SCAI: variants seen among roughly 807,000 people sequenced by gnomAD.
The protein encoded by SCAI is protein SCAI.
A neutral mutation model predicts 92.2 loss-of-function variants in SCAI; 24 were observed. The observed-to-expected ratio is 0.26, with a 90% CI of 0.19 to 0.37. The LOEUF is 0.37. SCAI is among the 10% of genes least tolerant of loss of function. The probability of loss-of-function intolerance (pLI) is 1.00; values close to 1 mark genes in which losing one functional copy is unlikely to be tolerated. For missense variants in SCAI, 450 were observed against 736.2 expected, an observed-to-expected ratio of 0.61 and a Z score of 4.50; for synonymous variants, 261 against 258.6, an observed-to-expected ratio of 1.01 and a Z score of -0.09.
intron 3 of SCAI, among the ~76,000 whole-genome samples, chr9:125,038,656 T>G (rs1424110945): frequency 6.6e-6 from 1 of 152,254 alleles, no homozygotes; most frequent in Non-Finnish European, 1.5e-5. Context: ...TGTGTCATCT[T>G]CATTCTCTTG....
intron 2 of SCAI, among the ~76,000 whole-genome samples, chr9:125,114,764 C>A (rs1835004073): frequency 7.1e-6 from 1 of 140,830 alleles, no homozygotes; most frequent in African/African-American, 2.6e-5. Flanking sequence ...GTCACCACAC[C>A]CGGCTTTTTT....
intron 17 of SCAI, chr9:124,968,944 G>GAA (rs544681413): frequency 1.8e-3 from 446 of 249,222 alleles, no homozygotes; most frequent in South Asian, 3.1e-3. Flanking sequence ...TTATTTTTTG[G>GAA]AAAAAAAAAA....
intron 3 of SCAI, among the ~76,000 whole-genome samples, chr9:125,045,592 TC>T (rs982776170): frequency 6.6e-6 from 1 of 152,192 alleles, no homozygotes; most frequent in Non-Finnish European, 1.5e-5. Context: ...GGCCTTGGCC[TC>T]CCAAAGTGCT....
rs1316489013 is a variant in SCAI, at chr9:124,999,946, T to C, written c.1189A>G (p.Ile397Val). ...TTGTGGATGGCATCTCCATTAATAATATCCCGGTTACTATTAGTAAGTACA... is the reference window on the plus strand; with the variant it reads ...TTGTGGATGGCATCTCCATTAATAACATCCCGGTTACTATTAGTAAGTACA... ...GGVLTNSNRD[I>V]INGDAIHKRN... is the part of the protein sequence containing the mutation. Residue 397 changes from isoleucine to valine, a missense_variant, in exon 13 of 18, where the codon ATT becomes GTT. Ile to Val is a conservative substitution (Grantham distance 29). Coordinates refer to ENST00000336505, the MANE Select transcript of SCAI (RefSeq NM_001144877.3). 1.9e-6 allele frequency: 3 copies of C among 1,597,798 alleles called. No individual in the cohort carries two copies. The highest frequency in any genetic ancestry group is 2.6e-6 in the Non-Finnish European group (3 of 1,170,538).
At chr9:125,007,364 G>C (rs540074272) in intron 9 of SCAI, among the ~76,000 whole-genome samples, 15 of 152,174 alleles carry the variant, frequency 9.9e-5, no homozygotes, top group African/African-American at 3.4e-4. Context: ...TGAAGAAATA[G>C]AGAATTCTGC....
At chr9:125,059,576 A>G (rs1833734248) in intron 2 of SCAI, among the ~76,000 whole-genome samples, 1 of 152,236 alleles carries the variant, frequency 6.6e-6, no homozygotes, top group Non-Finnish European at 1.5e-5. Context: ...ATAGCAGTTG[A>G]ACATGCACTG....
intron 2 of SCAI, among the ~76,000 whole-genome samples, chr9:125,106,113 AAAAAAAAAAATATATATATATAT>A (rs1403798682): frequency 1.5e-5 from 1 of 64,736 alleles, no homozygotes; most frequent in Non-Finnish European, 3.1e-5. Flanking sequence ...AAAAAAAAAA[AAAAAAAAAAATATATATATATAT>A]ATATATATAT....
rs766263609 is a variant in SCAI, at chr9:125,003,513, C to G, written c.919G>C (p.Glu307Gln). Residue 307 changes from glutamate (E) to glutamine (Q), a missense_variant, in exon 10 of 18, where the codon GAG (glutamate) becomes CAG (glutamine). By Grantham distance (29) the Glu-to-Gln change is conservative. Coordinates refer to ENST00000336505, the MANE Select transcript of SCAI (RefSeq NM_001144877.3). ...MFRMLQALER[E>Q]PMNLASQMNK... ...ATCTGGGAAGCTAAATTCATTGGCTCCCTTTCCAGAGCTTGTAACATCCGG... is the reference window on the plus strand; with the variant it reads ...ATCTGGGAAGCTAAATTCATTGGCTGCCTTTCCAGAGCTTGTAACATCCGG... 4.3e-6 allele frequency: 7 copies of G among 1,613,606 alleles called. No individual in the cohort carries two copies. In the Admixed American group the frequency reaches 1.2e-4, roughly 27 times the overall value.
chr9:125,093,812 C>T (rs1448840966), intron 2 of SCAI, among the ~76,000 whole-genome samples: 1 of 152,102 alleles, frequency 6.6e-6, no homozygotes, highest in Non-Finnish European at 1.5e-5. Context: ...GATCTGCCCT[C>T]CTCGGCCTCC....
chr9:125,122,950 A>T (rs1471041862), intron 2 of SCAI, among the ~76,000 whole-genome samples: 1 of 152,224 alleles, frequency 6.6e-6, no homozygotes, highest in African/African-American at 2.4e-5. Context: ...TGTTTTGGAC[A>T]TATAGATGCA....
intron 9 of SCAI, among the ~76,000 whole-genome samples, chr9:125,010,053 G>A (rs1020693450): frequency 6.6e-6 from 1 of 152,166 alleles, no homozygotes; most frequent in Non-Finnish European, 1.5e-5. Flanking sequence ...AATTGGAGGA[G>A]CCAAGATGGC....
intron 2 of SCAI, among the ~76,000 whole-genome samples, chr9:125,071,227 T>G (rs1249827667): frequency 6.6e-6 from 1 of 152,074 alleles, no homozygotes; most frequent in African/African-American, 2.4e-5. Context: ...AGACTCTATC[T>G]CTATAAAAAT....
At chr9:124,974,377 G>A (rs1238138023) in intron 15 of SCAI, 2 of 320,904 alleles carry the variant, frequency 6.2e-6, no homozygotes, top group African/African-American at 2.3e-5. Flanking sequence ...GAGCCCAGGA[G>A]GTAGAGGCTG....
At chr9:125,063,501 G>A (rs904037905) in intron 2 of SCAI, among the ~76,000 whole-genome samples, 2 of 151,712 alleles carry the variant, frequency 1.3e-5, no homozygotes, top group African/African-American at 2.4e-5. Context: ...AATGAACTAA[G>A]TAATAAAATT....
intron 17 of SCAI, among the ~76,000 whole-genome samples, chr9:124,962,170 T>TTTTTTTG: frequency 1.2e-5 from 1 of 84,120 alleles, no homozygotes; most frequent in Non-Finnish European, 2.2e-5. Context: ...TTTTTTTTTT[T>TTTTTTTG]GCGGGGGGGG....
chr9:125,025,861 G>C (rs1832955942), intron 6 of SCAI, among the ~76,000 whole-genome samples: 1 of 152,210 alleles, frequency 6.6e-6, no homozygotes, highest in Non-Finnish European at 1.5e-5. Context: ...AAGTGTTCTT[G>C]AGAAAAACAT....
intron 15 of SCAI, 41 bp downstream of exon 15, chr9:124,976,073 A>C: frequency 2.3e-6 from 3 of 1,278,824 alleles, no homozygotes; most frequent in Non-Finnish European, 3.4e-6. Context: ...GATAGTGTTT[A>C]TTTGCAACCT....
chr9:125,028,732 A>G (rs1345742453), intron 4 of SCAI, among the ~76,000 whole-genome samples: 1 of 149,120 alleles, frequency 6.7e-6, no homozygotes, highest in African/African-American at 2.4e-5. Context: ...CATCCTACCT[A>G]TGCTCTAGCT....
chr9:125,104,957 CAAAA>C (rs201424630), intron 2 of SCAI, among the ~76,000 whole-genome samples: 1 of 95,838 alleles, frequency 1.0e-5, no homozygotes, highest in African/African-American at 3.6e-5. Flanking sequence ...GACCCTGTCT[CAAAA>C]AAAAAAAAAA....
Sources: allele counts gnomAD v4.1 joint callset (sites outside exome capture counted in the v4.1 genomes callset), GRCh38; gene constraint gnomAD v4.1.1; transcripts MANE v1.5; gene names NCBI Gene and HGNC (gene_info 2026-07-23, HGNC 2026-07-21).